NRXN3: variants seen among roughly 807,000 people sequenced by gnomAD.
The protein encoded by NRXN3 is neurexin III.
A neutral mutation model predicts 137.6 loss-of-function variants in NRXN3; 32 were observed. The observed-to-expected ratio is 0.23, with a 90% CI of 0.18 to 0.31. The LOEUF is 0.31. NRXN3 is among the 10% of genes least tolerant of loss of function. The pLI, the probability that NRXN3 is intolerant of heterozygous loss-of-function variation, is 1.00. For synonymous variants in NRXN3, 798 were observed against 784.5 expected (o/e 1.02, Z -0.29); for missense variants, 1,574 against 2,062.5 (o/e 0.76, Z 4.59).
chr14:79,645,719 AATC>A (rs2098450931), intron 16 of NRXN3, among the ~76,000 whole-genome samples: 1 of 135,324 alleles, frequency 7.4e-6, no homozygotes, highest in South Asian at 2.3e-4. Flanking sequence ...TGGCTAGACT[AATC>A]AACAATTATG....
At chr14:78,714,143 G>T (rs980187930) in intron 7 of NRXN3, among the ~76,000 whole-genome samples, 4 of 152,204 alleles carry the variant, frequency 2.6e-5, no homozygotes, top group Admixed American at 2.0e-4. Context: ...TTCACTGGCA[G>T]GGCTGGTAGT....
rs772692723 is a variant in NRXN3, at chr14:78,966,073, C to T, written c.2444C>T (p.Thr815Met). 5.2e-5 allele frequency: 84 copies of T among 1,614,026 alleles called. No homozygotes were observed. Among genetic ancestry groups the T allele is most frequent in the South Asian group, 3.1e-4 (28 of 91,086 alleles). ...CGTTTGGAGTTCCACAACATTGAAACGGGAATCATGACTGAGAAACGCTAC... is the reference window on the plus strand; with the variant it reads ...CGTTTGGAGTTCCACAACATTGAAATGGGAATCATGACTGAGAAACGCTAC... ...HTRLEFHNIE[T>M]GIMTEKRYIS... The change falls in exon 12 of 21, where the codon ACG becomes ATG. Residue 815 changes from threonine to methionine, a missense_variant. Transcript: ENST00000335750.
rs147820443 is a variant in NRXN3 at position 78,368,098 on chromosome 14, G to A, written c.757+70238G>A. On this transcript the variant is annotated intron_variant, in intron 4 of 20. Transcript: ENST00000335750. The stretch of plus-strand genomic sequence containing the variant: ...GGCAGTTTTAGCAACGGGAAAGTAA[G>A]AAAACTACCGTTTAAAATGCCATTA... Among the ~76,000 whole-genome samples, 433 of 152,292 alleles carry A rather than the reference G, an allele frequency of 2.8e-3. 2 individuals are homozygous for A. The highest frequency in any genetic ancestry group is 0.01 in the Middle Eastern group (3 of 294).
At chr14:79,708,945 A>G (rs1336117003) in intron 19 of NRXN3, among the ~76,000 whole-genome samples, 2 of 152,022 alleles carry the variant, frequency 1.3e-5, no homozygotes, top group Non-Finnish European at 2.9e-5. Flanking sequence ...GCAACCTCTT[A>G]TATCTCTGGC....
intron 15 of NRXN3, among the ~76,000 whole-genome samples, chr14:79,208,054 G>A (rs1382580651): frequency 2.6e-5 from 4 of 152,102 alleles, no homozygotes; most frequent in Non-Finnish European, 5.9e-5. Flanking sequence ...CAAGGTGATT[G>A]TTCCATACTT....
intron 16 of NRXN3, among the ~76,000 whole-genome samples, chr14:79,653,765 G>T (rs1030489184): frequency 6.6e-6 from 1 of 152,042 alleles, no homozygotes; most frequent in African/African-American, 2.4e-5. Flanking sequence ...CAGGTTCATT[G>T]TACACTGGTT....
At chr14:79,364,141 G>A (rs2093787551) in intron 15 of NRXN3, among the ~76,000 whole-genome samples, 1 of 152,030 alleles carries the variant, frequency 6.6e-6, no homozygotes, top group African/African-American at 2.4e-5. Flanking sequence ...TCTTTCATTT[G>A]TTGCTTCAAT....
At chr14:79,493,023 T>C (rs2096732362) in intron 16 of NRXN3, among the ~76,000 whole-genome samples, 1 of 152,216 alleles carries the variant, frequency 6.6e-6, no homozygotes, top group Non-Finnish European at 1.5e-5. Context: ...AATGCCAGTG[T>C]GAGATAGCCC....
intron 16 of NRXN3, among the ~76,000 whole-genome samples, chr14:79,540,527 C>T (rs112461098): frequency 1.3e-5 from 2 of 152,126 alleles, no homozygotes; most frequent in Admixed American, 6.5e-5. Flanking sequence ...GAGCTTATTC[C>T]CTCCATTTAA....
intron 15 of NRXN3, chr14:79,298,928 T>C (rs931482013): frequency 1.3e-5 from 2 of 152,376 alleles, no homozygotes; most frequent in African/African-American, 4.8e-5. Context: ...TAGTAGTGAA[T>C]ATGAGTGGCT....
intron 18 of NRXN3, 65 bp from the exon 19 acceptor site, chr14:79,697,565 G>T: frequency 6.5e-7 from 1 of 1,543,370 alleles, no homozygotes; most frequent in South Asian, 1.2e-5. Flanking sequence ...GGTCCATTCA[G>T]ACCAGGTAAG....
chr14:79,448,017 A>G (rs958529654), intron 15 of NRXN3, among the ~76,000 whole-genome samples: 6 of 152,214 alleles, frequency 3.9e-5, no homozygotes, highest in African/African-American at 1.4e-4. Context: ...GAGTAGAATC[A>G]GACAAGGACC....
At chr14:78,620,903 C>A (rs2152499751) in intron 4 of NRXN3, among the ~76,000 whole-genome samples, 1 of 152,294 alleles carries the variant, frequency 6.6e-6, no homozygotes, top group Admixed American at 6.5e-5. Flanking sequence ...CTTTCCTCAA[C>A]TACCCAGGAA....
intron 20 of NRXN3, among the ~76,000 whole-genome samples, chr14:79,809,663 C>T (rs1479366370): frequency 1.3e-5 from 2 of 152,118 alleles, no homozygotes; most frequent in South Asian, 4.1e-4. Context: ...AGGCGAGGGT[C>T]TGGATTTTAA....
intron 17 of NRXN3, among the ~76,000 whole-genome samples, chr14:79,675,532 AT>A (rs924763539): frequency 2.0e-5 from 3 of 152,066 alleles, no homozygotes; most frequent in African/African-American, 7.2e-5. Context: ...CATCAGCTTT[AT>A]TTTTTGAATT....
At chr14:78,659,923 G>A (rs1602029520) in intron 6 of NRXN3, among the ~76,000 whole-genome samples, 1 of 152,118 alleles carries the variant, frequency 6.6e-6, no homozygotes, top group African/African-American at 2.4e-5. Flanking sequence ...CCTGGCTGTG[G>A]TTGTTTTCTT....
chr14:78,917,629 A>G (rs1279383681), intron 10 of NRXN3, among the ~76,000 whole-genome samples: 1 of 152,180 alleles, frequency 6.6e-6, no homozygotes, highest in Admixed American at 6.5e-5. Flanking sequence ...AAGAAGGTGT[A>G]GAAGAGTGTT....
chr14:78,203,175 A>T (rs1323212885), intron 1 of NRXN3, among the ~76,000 whole-genome samples: 1 of 152,182 alleles, frequency 6.6e-6, no homozygotes, highest in Admixed American at 6.5e-5. Context: ...TGAGGCTGTG[A>T]GTTACTGTGC....
At chr14:79,812,950 A>C (rs986273884) in intron 20 of NRXN3, among the ~76,000 whole-genome samples, 3 of 152,132 alleles carry the variant, frequency 2.0e-5, no homozygotes, top group Non-Finnish European at 4.4e-5. Flanking sequence ...TATTCTTTTT[A>C]TTCTACATTT....
Sources: gnomAD v4.1 joint callset for allele counts (sites outside exome capture counted in the v4.1 genomes callset) on GRCh38, gnomAD v4.1.1 for gene constraint, MANE v1.5 for transcripts, NCBI Gene and HGNC (gene_info 2026-07-23, HGNC 2026-07-21) for gene names.